CDC45: variants seen among roughly 807,000 people sequenced by gnomAD.
The protein encoded by CDC45 is cell division control protein 45 homolog.
In CDC45, 54 loss-of-function variants were observed where a neutral mutation model predicts 77.8. The ratio of observed to expected loss-of-function variants is 0.69; its 90% CI spans 0.56 to 0.87. CDC45 has a LOEUF of 0.87. Among genes scored for constraint, CDC45 ranks in the 40% least tolerant of loss-of-function variants. The probability of loss-of-function intolerance (pLI) is 0.00; values close to 1 mark genes in which losing one functional copy is unlikely to be tolerated. For synonymous variants in CDC45, 260 were observed against 272.1 expected, an observed-to-expected ratio of 0.96 and a Z score of 0.44; for missense variants, 649 against 721.6, an observed-to-expected ratio of 0.90 and a Z score of 1.15.
At chr22:19,519,842 C>T (rs1934015178) in intron 18 of CDC45, among the ~76,000 whole-genome samples, 1 of 151,920 alleles carries the variant, frequency 6.6e-6, no homozygotes, top group Non-Finnish European at 1.5e-5. Flanking sequence ...CTACATGGGG[C>T]CCATTTTGGG....
chr22:19,518,436 G>C (rs1933921664), intron 17 of CDC45, among the ~76,000 whole-genome samples: 1 of 152,208 alleles, frequency 6.6e-6, no homozygotes, highest in Non-Finnish European at 1.5e-5. Context: ...CCCTTGTGCG[G>C]AAGAGAACAC....
chr22:19,512,904 T>C (rs1933591790), intron 13 of CDC45, among the ~76,000 whole-genome samples: 1 of 152,196 alleles, frequency 6.6e-6, no homozygotes. Context: ...CTGCATCTGG[T>C]GAGGGCCTCA....
In CDC45 at chr22:19,516,665, C is replaced by G. The variant is rs775174230; in HGVS notation, c.1559+20C>G. The G allele has an allele frequency of 6.3e-7, 1 of 1,597,866 alleles. No homozygotes were observed. Among genetic ancestry groups the G allele is most frequent in the South Asian group, 1.1e-5 (1 of 90,726 alleles). On this transcript the variant is annotated intron_variant, in intron 16 of 18. Coordinates refer to ENST00000263201, the MANE Select transcript of CDC45 (RefSeq NM_003504.5). ...GAAGAAGTGAGCAGCTTCCACTCGT[C>G]CTGGGACTGGAGGGTCGGGGGTGTT...
At chr22:19,482,854 T>A (rs1279217820) in intron 4 of CDC45, 27 bp downstream of exon 4, 8 of 1,610,392 alleles carry the variant, frequency 5.0e-6, no homozygotes, top group Non-Finnish European at 6.8e-6. Flanking sequence ...GCCCTCAAAC[T>A]GTCTGTACTT....
At chr22:19,482,968 ATC>A in intron 4 of CDC45, 141 bp downstream of exon 4, 2 of 664,124 alleles carry the variant, frequency 3.0e-6, no homozygotes, top group Non-Finnish European at 5.0e-6. Context: ...GGTCTTTGTC[ATC>A]TTTTTTTTTT....
chr22:19,484,990 C>G (rs2090043772), intron 5 of CDC45, among the ~76,000 whole-genome samples: 1 of 151,950 alleles, frequency 6.6e-6, no homozygotes, highest in Non-Finnish European at 1.5e-5. Context: ...CCAGGCTGGC[C>G]TCAAACTTCG....
In CDC45 at chr22:19,480,158, A is replaced by C; in HGVS notation, c.52A>C (p.Arg18=). Residue 18 remains arginine, a splice_region_variant and synonymous_variant, in exon 2 of 19, where the codon AGG becomes CGG. Transcript: ENST00000263201. The stretch of plus-strand genomic sequence containing the variant: ...CAGCCGGTCTGCTCTTCCCCGATAG[A>C]GGGTCCTTCTCTTCGTGGCCTCGGA... The part of the protein sequence containing the change: ...KEFYEVVQSQ[R]VLLFVASDVD... 1 of 1,614,028 alleles carries C rather than the reference A, an allele frequency of 6.2e-7. No individual in the cohort carries two copies. The highest frequency in any genetic ancestry group is 1.3e-5 in the African/African-American group (1 of 75,040).
intron 5 of CDC45, among the ~76,000 whole-genome samples, chr22:19,486,965 C>T (rs1291035348): frequency 2.6e-5 from 4 of 151,608 alleles, no homozygotes; most frequent in South Asian, 2.1e-4. Flanking sequence ...CGTGAGCCAC[C>T]GTGCCCGGCT....
chr22:19,482,484 T>C (rs1469151897), intron 3 of CDC45, among the ~76,000 whole-genome samples: 2 of 152,206 alleles, frequency 1.3e-5, no homozygotes, highest in African/African-American at 2.4e-5. Flanking sequence ...TGGGGAAAAC[T>C]GGGAGCCCCA....
intron 5 of CDC45, among the ~76,000 whole-genome samples, chr22:19,489,549 C>T (rs1250864253): frequency 2.0e-5 from 3 of 152,126 alleles, no homozygotes; most frequent in Non-Finnish European, 2.9e-5. Context: ...GGAGATTCAT[C>T]CATGTTTGCT....
chr22:19,498,893 C>T (rs1421358400), intron 8 of CDC45, among the ~76,000 whole-genome samples: 1 of 152,212 alleles, frequency 6.6e-6, no homozygotes, highest in Non-Finnish European at 1.5e-5. Flanking sequence ...GTGGCAGACA[C>T]TGCACTGCAA....
At chr22:19,514,705 T>C in intron 13 of CDC45, 44 bp from the exon 14 acceptor site, 2 of 1,517,826 alleles carry the variant, frequency 1.3e-6, no homozygotes, top group East Asian at 2.3e-5. Flanking sequence ...TTACCAAGAG[T>C]TCCTGACAAG....
intron 9 of CDC45, among the ~76,000 whole-genome samples, chr22:19,503,750 G>T (rs1474760203): frequency 6.6e-6 from 1 of 152,156 alleles, no homozygotes; most frequent in East Asian, 1.9e-4. Flanking sequence ...TATTATTAGG[G>T]AGGGTCGACA....
At chr22:19,512,976 G>T (rs1383427971) in intron 13 of CDC45, among the ~76,000 whole-genome samples, 3 of 152,190 alleles carry the variant, frequency 2.0e-5, no homozygotes, top group African/African-American at 7.2e-5. Flanking sequence ...GGCAATGGAG[G>T]AAGGAAGAGA....
Position 19,484,000 on chromosome 22 carries a change from G to T in CDC45, c.481G>T (p.Glu161Ter), listed in dbSNP as rs1162888615. The change falls in exon 5 of 19, where the codon GAA (glutamate) becomes TAA (stop). Residue 161 changes from glutamate (E) to a stop codon, truncating the protein, a stop_gained. Transcript: ENST00000263201. LOFTEE classifies it high-confidence loss of function. ...SEPSEKRTRL[E>*]EEIVEQTMRR... Reference sequence around the variant, plus strand: ...GCCTTCTGAGAAGCGCACACGGTTAGAAGAGGTGAGTTTGGGTCTCTCACA... The same window carrying T: ...GCCTTCTGAGAAGCGCACACGGTTATAAGAGGTGAGTTTGGGTCTCTCACA... 5.0e-6 allele frequency: 8 copies of T among 1,599,020 alleles called. No homozygotes were observed. Among genetic ancestry groups the T allele is most frequent in the Non-Finnish European group, 6.0e-6 (7 of 1,176,434 alleles).
At chr22:19,485,543 A>G (rs568212698) in intron 5 of CDC45, among the ~76,000 whole-genome samples, 24 of 152,344 alleles carry the variant, frequency 1.6e-4, no homozygotes, top group Non-Finnish European at 2.8e-4. Context: ...GAACAGGCAA[A>G]TGAGAACAGA....
In CDC45 at chr22:19,507,526, C is replaced by T. The variant is rs1194596939; in HGVS notation, c.956+9C>T. ...TTCCTTGCAGACATGGGGTGAGTGA[C>T]TGCCTGGGCCTCTGCAGTGCCAGCC... On this transcript the variant is annotated intron_variant, in intron 11 of 18. Transcript: ENST00000263201. 2 of 1,613,896 alleles carry T rather than the reference C, an allele frequency of 1.2e-6. No homozygotes were observed. The highest frequency in any genetic ancestry group is 1.7e-6 in the Non-Finnish European group (2 of 1,179,930).
chr22:19,503,638 G>A (rs1214175749), intron 9 of CDC45, among the ~76,000 whole-genome samples: 3 of 152,170 alleles, frequency 2.0e-5, no homozygotes, highest in Non-Finnish European at 4.4e-5. Context: ...AAGGCCTTCC[G>A]AAATCAAGTT....
At chr22:19,510,941 T>C (rs1933478633) in intron 13 of CDC45, among the ~76,000 whole-genome samples, 1 of 152,256 alleles carries the variant, frequency 6.6e-6, no homozygotes, top group South Asian at 2.1e-4. Flanking sequence ...TTATGACTAA[T>C]GCTGCTGTGA....
Sources: allele counts gnomAD v4.1 joint callset (sites outside exome capture counted in the v4.1 genomes callset), GRCh38; gene constraint gnomAD v4.1.1; transcripts MANE v1.5; gene names NCBI Gene and HGNC (gene_info 2026-07-23, HGNC 2026-07-21).